TET3: variants seen among roughly 807,000 people sequenced by gnomAD.
TET3 encodes the protein methylcytosine dioxygenase TET3.
A neutral mutation model predicts 141.4 loss-of-function variants in TET3; 19 were observed. That is an observed-to-expected ratio of 0.13 (90% CI 0.09 to 0.20). TET3 has a LOEUF of 0.20. Among genes scored for constraint, TET3 ranks in the 10% least tolerant of loss-of-function variants. TET3 has a pLI of 1.00. For missense variants in TET3, 1,874 were observed against 2,356.9 expected, an observed-to-expected ratio of 0.80 and a Z score of 4.24; for synonymous variants, 1,043 against 980.9, an observed-to-expected ratio of 1.06 and a Z score of -1.18.
At chr2:73,987,447 G>C (rs531068147) in intron 2 of TET3, among the ~76,000 whole-genome samples, 1 of 152,148 alleles carries the variant, frequency 6.6e-6, no homozygotes, top group Non-Finnish European at 1.5e-5. Flanking sequence ...AGGCAGGGTG[G>C]GAAGGAATGG....
chr2:74,015,505 GAGT>G (rs556379678), intron 3 of TET3, among the ~76,000 whole-genome samples: 2 of 152,060 alleles, frequency 1.3e-5, no homozygotes, highest in Non-Finnish European at 2.9e-5. Context: ...ACTTATTTTT[GAGT>G]AGTCTTTTAT....
intron 10 of TET3, among the ~76,000 whole-genome samples, chr2:74,094,954 T>G (rs1690724128): frequency 1.3e-5 from 2 of 151,992 alleles, no homozygotes; most frequent in Admixed American, 6.6e-5. Context: ...GGTTTATAGT[T>G]AGAGCTGTGA....
At chr2:74,048,507 T>A in intron 4 of TET3, 96 bp downstream of exon 4, 1 of 1,329,974 alleles carries the variant, frequency 7.5e-7, no homozygotes, top group Non-Finnish European at 1.0e-6. Context: ...CAAACATTTA[T>A]TTGTGCCAAC....
At chr2:74,092,644 A>G (rs1041926509) in intron 8 of TET3, among the ~76,000 whole-genome samples, 4 of 152,196 alleles carry the variant, frequency 2.6e-5, no homozygotes, top group Admixed American at 2.0e-4. Flanking sequence ...CGGGAGCCTG[A>G]AGGAGCAGTA....
chr2:74,020,472 G>C (rs1259764590), intron 3 of TET3, among the ~76,000 whole-genome samples: 2 of 152,236 alleles, frequency 1.3e-5, no homozygotes, highest in African/African-American at 4.8e-5. Flanking sequence ...CAGTGCCCAG[G>C]CTTGGTGTTT....
chr2:74,123,290 C>T, the TET3 span: 5 of 152,278 alleles, frequency 3.3e-5, no homozygotes, highest in Non-Finnish European at 5.9e-5. Flanking sequence ...CACTCCACTC[C>T]AGCCTGAGCG....
At chr2:74,111,628 G>C (rs1377545875), downstream of TET3, among the ~76,000 whole-genome samples, 1 of 152,168 alleles carries the variant, frequency 6.6e-6, no homozygotes, top group Non-Finnish European at 1.5e-5. Context: ...GAGGCATGTT[G>C]GACAAGGACC....
chr2:74,037,267 A>T (rs1365516381), intron 3 of TET3, among the ~76,000 whole-genome samples: 4 of 152,252 alleles, frequency 2.6e-5, no homozygotes, highest in Non-Finnish European at 4.4e-5. Context: ...TTCCGAAGGG[A>T]GAATCCTCTT....
intron 3 of TET3, among the ~76,000 whole-genome samples, chr2:74,044,661 C>T (rs776633382): frequency 6.6e-6 from 1 of 152,164 alleles, no homozygotes; most frequent in Non-Finnish European, 1.5e-5. Context: ...TGCCCAGCAT[C>T]GCGAAAGTGT....
At position 74,102,826 on chromosome 2, in the gene TET3, T is replaced by G. The variant is rs981347547; in HGVS notation, c.*650T>G. On this transcript the variant is annotated 3_prime_UTR_variant, in exon 12 of 12. Coordinates refer to ENST00000409262, the MANE Select transcript of TET3 (RefSeq NM_001287491.2). ...GAGCCTCAGGACAGCTTCTGTCCTC[T>G]CTGATAGGATGGGAGAGTCTGCAGA... The G allele has an allele frequency of 6.6e-5, 10 of 152,268 alleles. No homozygotes were observed. The highest frequency in any genetic ancestry group is 3.4e-3 in the Middle Eastern group (1 of 294). The allele number at this position is 152,268 out of a possible 1,614,324, so 9.4% of individuals were successfully genotyped here.
At chr2:74,002,756 A>C in intron 2 of TET3, 1 of 531,446 alleles carries the variant, frequency 1.9e-6, no homozygotes, top group Non-Finnish European at 3.3e-6. Flanking sequence ...TCCGGCGGGG[A>C]TAATGGGAGG....
chr2:74,056,143 A>G (rs1184157520), intron 4 of TET3, among the ~76,000 whole-genome samples: 2 of 152,210 alleles, frequency 1.3e-5, no homozygotes, highest in African/African-American at 2.4e-5. Flanking sequence ...CTCTGTACTA[A>G]TGTCATAAAA....
the TET3 span, among the ~76,000 whole-genome samples, chr2:74,114,757 G>C: frequency 6.8e-6 from 1 of 147,964 alleles, no homozygotes; most frequent in Admixed American, 7.0e-5. Flanking sequence ...AGGAGGCTGA[G>C]GCAGGAAAAT....
In TET3 at chr2:74,005,894, A is replaced by G. The variant is rs114595961; in HGVS notation, c.360+2728A>G. On this transcript the variant is annotated intron_variant, in intron 3 of 11. Transcript: ENST00000409262. ...TGCTATAGCAGACACTGTTGCTACC[A>G]CCTCCTCGTTGGCAGCCTGGAGAGG... Among the ~76,000 whole-genome samples the G allele has an allele frequency of 9.4e-3, 1,435 of 152,132 alleles. 21 individuals are homozygous for G. The highest frequency in any genetic ancestry group is 0.033 in the African/African-American group (1,360 of 41,502).
chr2:74,083,657 A>G (rs531012883), intron 6 of TET3, among the ~76,000 whole-genome samples: 179 of 152,262 alleles, frequency 1.2e-3, no homozygotes, highest in African/African-American at 4.0e-3. Flanking sequence ...AGGCTCCTTC[A>G]TACGAGTGTG....
At chr2:74,128,029 A>G in the TET3 span, among the ~76,000 whole-genome samples, 2 of 152,248 alleles carry the variant, frequency 1.3e-5, no homozygotes, top group African/African-American at 2.4e-5. Context: ...AAAGTTTTAG[A>G]GATATATTTA....
the TET3 span, among the ~76,000 whole-genome samples, chr2:74,124,038 G>A: frequency 1.3e-5 from 2 of 150,216 alleles, no homozygotes; most frequent in African/African-American, 4.9e-5. Context: ...ACCCCGTCTG[G>A]GAAGTGAGGA....
chr2:74,080,689 C>T, intron 6 of TET3, 98 bp downstream of exon 6: 1 of 786,326 alleles, frequency 1.3e-6, no homozygotes, highest in Non-Finnish European at 1.8e-6. Flanking sequence ...TGTAGCTGAG[C>T]AGGCGAGGGC....
At chr2:74,085,491 T>TG (rs1046602271) in intron 6 of TET3, among the ~76,000 whole-genome samples, 18 of 152,348 alleles carry the variant, frequency 1.2e-4, no homozygotes, top group Admixed American at 5.2e-4. Flanking sequence ...AGACCCACTC[T>TG]GGGGGGTATC....
Sources: gnomAD v4.1 joint callset for allele counts (sites outside exome capture counted in the v4.1 genomes callset) on GRCh38, gnomAD v4.1.1 for gene constraint, MANE v1.5 for transcripts, NCBI Gene and HGNC (gene_info 2026-07-23, HGNC 2026-07-21) for gene names.